The following CTDSPL variants were observed in gnomAD, a reference collection of about 807,000 sequenced individuals.
The protein encoded by CTDSPL is CTD small phosphatase-like protein.
CTDSPL carries 8 observed loss-of-function variants against 30.5 expected under a neutral mutation model. That is an observed-to-expected ratio of 0.26 (90% CI 0.15 to 0.47). The LOEUF is 0.47. CTDSPL is among the 20% of genes least tolerant of loss of function. The pLI is 0.99. For missense variants in CTDSPL, 248 were observed against 366.1 expected (o/e 0.68, Z 2.63); for synonymous variants, 110 against 137.9 (o/e 0.80, Z 1.42).
intron 1 of CTDSPL, among the ~76,000 whole-genome samples, chr3:37,897,314 C>A (rs1275628890): frequency 1.3e-5 from 2 of 152,092 alleles, no homozygotes; most frequent in African/African-American, 4.8e-5. Flanking sequence ...GGAAGCTTAC[C>A]AAGTTTCTCA....
intron 1 of CTDSPL, among the ~76,000 whole-genome samples, chr3:37,888,071 C>T (rs923853085): frequency 2.6e-5 from 4 of 152,000 alleles, no homozygotes; most frequent in East Asian, 3.8e-4. Flanking sequence ...GAAGGCTGTG[C>T]GAGATGAAAG....
rs1370342257 is a variant in CTDSPL at position 37,982,844 on chromosome 3, G to A, written c.*1977G>A. The A allele has an allele frequency of 2.8e-5, 10 of 358,804 alleles. No individual in the cohort carries two copies. The highest frequency in any genetic ancestry group is 2.1e-4 in the South Asian group (10 of 47,706). 22.2% of individuals were successfully genotyped at this position (358,804 alleles called of 1,614,324 possible). On this transcript the variant is annotated 3_prime_UTR_variant, in exon 8 of 8. Coordinates refer to ENST00000273179, the MANE Select transcript of CTDSPL (RefSeq NM_001008392.2). The stretch of plus-strand genomic sequence containing the variant: ...ACCCACTGCCTTAAATGTCTTGAAT[G>A]TTGCAGTCAAGTGTCTGTCATGTGT...
intron 1 of CTDSPL, among the ~76,000 whole-genome samples, chr3:37,946,375 C>T (rs1699038682): frequency 6.6e-6 from 1 of 152,152 alleles, no homozygotes; most frequent in African/African-American, 2.4e-5. Context: ...CCTGGCTGGC[C>T]CTACTTGGGC....
At chr3:37,954,611 C>T (rs1559643356) in intron 2 of CTDSPL, 1 of 152,348 alleles carries the variant, frequency 6.6e-6, no homozygotes, top group Non-Finnish European at 1.5e-5. Flanking sequence ...CAGAATGGGA[C>T]AGATGACCTC....
intron 1 of CTDSPL, among the ~76,000 whole-genome samples, chr3:37,866,123 A>G (rs1325401994): frequency 1.3e-5 from 2 of 152,246 alleles, no homozygotes; most frequent in African/African-American, 4.8e-5. Context: ...ATTGCTTGCA[A>G]TAGCAAGTAT....
chr3:37,968,169 T>A, intron 5 of CTDSPL: 1 of 456,156 alleles, frequency 2.2e-6, no homozygotes, highest in Non-Finnish European at 4.1e-6. Context: ...CCTAGCTTGA[T>A]GGTCTAATTA....
At chr3:37,941,204 C>T (rs1227621545) in intron 1 of CTDSPL, among the ~76,000 whole-genome samples, 1 of 149,998 alleles carries the variant, frequency 6.7e-6, no homozygotes, top group Non-Finnish European at 1.5e-5. Context: ...TACACAGGGA[C>T]CATGCCCCAC....
intron 1 of CTDSPL, among the ~76,000 whole-genome samples, chr3:37,909,250 C>T (rs1698552961): frequency 1.3e-5 from 2 of 152,220 alleles, no homozygotes; most frequent in African/African-American, 4.8e-5. Flanking sequence ...GAGCAAATCA[C>T]TGAAGCTCTC....
intron 2 of CTDSPL, among the ~76,000 whole-genome samples, chr3:37,949,544 C>T (rs1699084704): frequency 6.6e-6 from 1 of 152,226 alleles, no homozygotes. Context: ...TGTTCTCTCA[C>T]ACACATACAC....
intron 1 of CTDSPL, 27 bp from the exon 2 acceptor site, chr3:37,947,030 C>G: frequency 6.2e-7 from 1 of 1,606,348 alleles, no homozygotes; most frequent in Non-Finnish European, 8.5e-7. Flanking sequence ...TGCAGTTGGC[C>G]ATAGTGTGCT....
chr3:37,926,608 A>C (rs918882375), intron 1 of CTDSPL, among the ~76,000 whole-genome samples: 3 of 152,238 alleles, frequency 2.0e-5, no homozygotes, highest in Non-Finnish European at 4.4e-5. Context: ...AATGTGGAAT[A>C]TTCTGGATGA....
In CTDSPL at chr3:37,909,605, T is replaced by C. The variant is rs192856443; in HGVS notation, c.80-37452T>C. 7.2e-5 allele frequency among the ~76,000 whole-genome samples: 11 copies of C among 152,380 alleles called. No individual in the cohort carries two copies. In the East Asian group the frequency reaches 1.9e-3, roughly 27 times the overall value. ...TATCTGGTAACCAACTTCCTGTTTT[T>C]CCCAGTGTGGTGATGTTCCTTTAGT... is the stretch of plus-strand genomic sequence containing the variant. On this transcript the variant is annotated intron_variant, in intron 1 of 7. Transcript: ENST00000273179.
Position 37,874,457 on chromosome 3 carries a change from G to A in CTDSPL, c.79+12179G>A, listed in dbSNP as rs751994522. ...TTTAAATACAGACACAAGGCCGGGC[G>A]CGGTGGCTCAATGCCTGTAATCCCA... On this transcript the variant is annotated intron_variant, in intron 1 of 7. Transcript: ENST00000273179. Among the ~76,000 whole-genome samples the A allele has an allele frequency of 2.4e-4, 36 of 152,276 alleles. 1 individual carries two copies. Among genetic ancestry groups the A allele is most frequent in the Admixed American group, 2.0e-4 (3 of 15,292 alleles).
intron 2 of CTDSPL, among the ~76,000 whole-genome samples, chr3:37,948,021 C>T (rs1415150153): frequency 3.9e-5 from 6 of 152,342 alleles, no homozygotes; most frequent in South Asian, 4.1e-4. Context: ...TGGTGGCTCA[C>T]GCCTGTAATC....
In CTDSPL at chr3:37,981,130, A is replaced by T; in HGVS notation, c.*263A>T. On this transcript the variant is annotated 3_prime_UTR_variant, in exon 8 of 8. Coordinates refer to ENST00000273179, the MANE Select transcript of CTDSPL (RefSeq NM_001008392.2). ...AACATACCAAAAAAGAAAAAAATAG[A>T]AAAAAAAAAAAAAAAAGCTTGATCT... 4.9e-5 allele frequency: 7 copies of T among 142,026 alleles called. No individual in the cohort carries two copies. Among genetic ancestry groups the T allele is most frequent in the Admixed American group, 7.2e-5 (1 of 13,866 alleles). The allele number at this position is 142,026 out of a possible 1,614,324, so 8.8% of individuals were successfully genotyped here.
intron 1 of CTDSPL, among the ~76,000 whole-genome samples, chr3:37,879,100 C>G (rs187919822): frequency 0.011 from 1,602 of 151,934 alleles, 35 homozygotes; most frequent in South Asian, 0.079. Flanking sequence ...AAGGGAAGAG[C>G]CAAGCTTTTT....
intron 1 of CTDSPL, among the ~76,000 whole-genome samples, chr3:37,922,578 G>A (rs1439496319): frequency 6.6e-6 from 1 of 152,196 alleles, no homozygotes; most frequent in African/African-American, 2.4e-5. Context: ...CAGCTAGCAG[G>A]CTTCCTTACA....
At chr3:37,928,395 T>C (rs192574982) in intron 1 of CTDSPL, among the ~76,000 whole-genome samples, 66 of 152,360 alleles carry the variant, frequency 4.3e-4, no homozygotes, top group Admixed American at 2.4e-3. Flanking sequence ...AAACTTATTT[T>C]TCTTTTTCTG....
chr3:37,883,072 TTATTTTGGGAATA>T (rs1698226154), intron 1 of CTDSPL, among the ~76,000 whole-genome samples: 1 of 152,248 alleles, frequency 6.6e-6, no homozygotes, highest in Non-Finnish European at 1.5e-5. Flanking sequence ...TCATGGGAAT[TTATTTTGGGAATA>T]AAGAAACTGA....
Sources: allele counts gnomAD v4.1 joint callset (sites outside exome capture counted in the v4.1 genomes callset), GRCh38; gene constraint gnomAD v4.1.1; transcripts MANE v1.5; gene names NCBI Gene and HGNC (gene_info 2026-07-23, HGNC 2026-07-21).